The following MORN1 variants were observed in gnomAD, a reference collection of about 807,000 sequenced individuals.
MORN1 encodes MORN repeat-containing protein 1.
A neutral mutation model predicts 61.9 loss-of-function variants in MORN1; 67 were observed. That is an observed-to-expected ratio of 1.08 (90% CI 0.89 to 1.33). MORN1 has a LOEUF of 1.33. Among genes scored for constraint, MORN1 ranks in the 40% most tolerant of loss-of-function variants. The pLI is 0.00. For missense variants in MORN1, 752 were observed against 691.2 expected (o/e 1.09, Z -0.99); for synonymous variants, 301 against 292.0 (o/e 1.03, Z -0.31).
intron 10 of MORN1, among the ~76,000 whole-genome samples, chr1:2,339,422 G>A (rs1218427654): frequency 1.3e-5 from 2 of 152,166 alleles, no homozygotes; most frequent in Non-Finnish European, 2.9e-5. Context: ...GACCGCAGCG[G>A]CCCCTGGGTC....
chr1:2,361,982 C>T, intron 8 of MORN1, among the ~76,000 whole-genome samples: 1 of 152,152 alleles, frequency 6.6e-6, no homozygotes, highest in East Asian at 1.9e-4. Flanking sequence ...GCCTGTAATC[C>T]CAGCACCTTG....
rs1433029439 is a variant in MORN1 at position 2,334,796 on chromosome 1, C to T, written c.1250+1673G>A. On this transcript the variant is annotated intron_variant, in intron 12 of 13. Coordinates refer to ENST00000378531, the MANE Select transcript of MORN1 (RefSeq NM_024848.3). This position sits in a 1 kb window ranked among gnomAD's most constrained non-coding sequence, Gnocchi z 5.4. ...GCCCAGGCTGGGAGCAGACGCCGACCCCTCCGTTCTCTCAGGTGGAAAAGA... is the reference window on the plus strand; with the variant it reads ...GCCCAGGCTGGGAGCAGACGCCGACTCCTCCGTTCTCTCAGGTGGAAAAGA... 6.6e-6 allele frequency among the ~76,000 whole-genome samples: 1 copy of T among 152,254 alleles called. No homozygotes were observed. Among genetic ancestry groups the T allele is most frequent in the African/African-American group, 2.4e-5 (1 of 41,470 alleles).
chr1:2,336,410 T>G, intron 12 of MORN1, 59 bp downstream of exon 12: 1 of 1,545,102 alleles, frequency 6.5e-7, no homozygotes, highest in Non-Finnish European at 8.9e-7. Flanking sequence ...CTGGCCCAGC[T>G]GATGAGGAGG....
chr1:2,383,947 C>T (rs1642429485), intron 6 of MORN1, among the ~76,000 whole-genome samples: 1 of 152,340 alleles, frequency 6.6e-6, no homozygotes, highest in Middle Eastern at 3.4e-3. Context: ...CACACCACTC[C>T]CAGACTCCAC....
At chr1:2,358,464 C>T (rs906359773) in intron 9 of MORN1, 128 bp downstream of exon 9, 3 of 1,248,646 alleles carry the variant, frequency 2.4e-6, no homozygotes, top group African/African-American at 3.0e-5. Flanking sequence ...GAACAGACAT[C>T]GAATATTTCA....
intron 13 of MORN1, chr1:2,322,928 T>C (rs1640914906): frequency 1.0e-6 from 1 of 985,284 alleles, no homozygotes; most frequent in Non-Finnish European, 1.2e-6. Flanking sequence ...GGCCACGTGA[T>C]CTAGCCCTGG....
intron 8 of MORN1, among the ~76,000 whole-genome samples, chr1:2,364,310 T>C (rs908824310): frequency 5.9e-5 from 9 of 152,158 alleles, no homozygotes; most frequent in Non-Finnish European, 1.3e-4. Context: ...AACCAAAAAT[T>C]GAAAGAAAGA....
chr1:2,336,693 T>C (rs1043697447), intron 11 of MORN1, 24 bp downstream of exon 11: 3 of 1,545,334 alleles, frequency 1.9e-6, no homozygotes, highest in Non-Finnish European at 2.6e-6. Context: ...TGGGGTGGCC[T>C]CCCCGCCCCC....
At chr1:2,321,619 T>C in intron 13 of MORN1, 40 bp from the exon 14 acceptor site, 1 of 1,435,932 alleles carries the variant, frequency 7.0e-7, no homozygotes, top group Non-Finnish European at 9.2e-7. Context: ...CAGGCTCCTG[T>C]CCCTTCCCCT....
At chr1:2,356,666 G>A (rs943328782) in intron 10 of MORN1, among the ~76,000 whole-genome samples, 6 of 152,144 alleles carry the variant, frequency 3.9e-5, no homozygotes, top group Non-Finnish European at 8.8e-5. Flanking sequence ...AGCACCCCAG[G>A]GCCTCCCAAC....
At chr1:2,324,761 C>T (rs535534094) in intron 12 of MORN1, among the ~76,000 whole-genome samples, 1 of 152,248 alleles carries the variant, frequency 6.6e-6, no homozygotes, top group Non-Finnish European at 1.5e-5. Context: ...AGCTCCTGCC[C>T]TGAGGCAGTC....
chr1:2,346,441 C>T (rs1158216747), intron 10 of MORN1, among the ~76,000 whole-genome samples: 1 of 152,098 alleles, frequency 6.6e-6, no homozygotes, highest in Admixed American at 6.5e-5. Context: ...GATGGAGTGC[C>T]GTGGCGCATT....
At chr1:2,325,468 G>A (rs901780962) in intron 12 of MORN1, among the ~76,000 whole-genome samples, 1 of 150,952 alleles carries the variant, frequency 6.6e-6, no homozygotes, top group African/African-American at 2.4e-5. Context: ...TGTGGAGTGT[G>A]CCACCATGCC....
At chr1:2,359,685 C>G (rs898431372) in intron 8 of MORN1, among the ~76,000 whole-genome samples, 2 of 152,114 alleles carry the variant, frequency 1.3e-5, no homozygotes, top group African/African-American at 2.4e-5. Flanking sequence ...GAGTTTGAGA[C>G]CAGCCTGGCC....
At chr1:2,390,940 T>C (rs1570065390) in intron 1 of MORN1, among the ~76,000 whole-genome samples, 1 of 152,146 alleles carries the variant, frequency 6.6e-6, no homozygotes, top group East Asian at 1.9e-4. Flanking sequence ...GAGACCGGGT[T>C]TCGCCATGTT....
Position 2,372,514 on chromosome 1 carries a change from G to C in MORN1, c.712C>G (p.Gln238Glu). 1 of 1,613,888 alleles carries C rather than the reference G, an allele frequency of 6.2e-7. No individual in the cohort carries two copies. Among genetic ancestry groups the C allele is most frequent in the Non-Finnish European group, 8.5e-7 (1 of 1,179,952 alleles). Residue 238 changes from glutamine to glutamate, a missense_variant, in exon 8 of 14, where the codon CAG (glutamine) becomes GAG (glutamate). Gln to Glu is a conservative substitution (Grantham distance 29). Coordinates refer to ENST00000378531, the MANE Select transcript of MORN1 (RefSeq NM_024848.3). The surrounding 1 kb of genome is among the most constrained non-coding windows in gnomAD (Gnocchi z 5.4). ...ATTTCCCCGTGGTCCTGCAGCAGCT[G>C]AACGTTCACCGAGAAGGGAGACCCT... ...AQGSPFSVNV[Q>E]LLQDHGEIAK...
chr1:2,390,331 CAGG>C (rs1475479221), intron 1 of MORN1: 25 of 816,640 alleles, frequency 3.1e-5, no homozygotes, highest in South Asian at 5.5e-5. Flanking sequence ...AGCCTTGTTG[CAGG>C]AGATGAGTGA....
intron 6 of MORN1, among the ~76,000 whole-genome samples, chr1:2,381,302 C>A (rs918116470): frequency 6.6e-6 from 1 of 152,254 alleles, no homozygotes; most frequent in Non-Finnish European, 1.5e-5. Flanking sequence ...GCGTCTACAT[C>A]GGTCTGGGCA....
At chr1:2,332,172 A>C in intron 12 of MORN1, 1 of 180,844 alleles carries the variant, frequency 5.5e-6, no homozygotes, top group Non-Finnish European at 1.2e-5. Flanking sequence ...GCACCAGGTG[A>C]CCCCACGCTC....
Sources: gnomAD v4.1 joint callset for allele counts (sites outside exome capture counted in the v4.1 genomes callset) on GRCh38, gnomAD v4.1.1 for gene constraint, Gnocchi (gnomAD v3.1) non-coding constraint, MANE v1.5 for transcripts, NCBI Gene and HGNC (gene_info 2026-07-23, HGNC 2026-07-21) for gene names.